TTLL5: variants seen among roughly 807,000 people sequenced by gnomAD.
TTLL5 encodes tubulin tyrosine ligase like 5, also known as tubulin polyglutamylase TTLL5.
A neutral mutation model predicts 168.4 loss-of-function variants in TTLL5; 132 were observed. The ratio of observed to expected loss-of-function variants is 0.78; its 90% CI spans 0.68 to 0.91. The LOEUF (loss-of-function observed/expected upper bound fraction) is 0.91, where lower values mean the gene tolerates loss of function less well. Ranked by LOEUF, TTLL5 falls within the 40% of genes least tolerant of loss-of-function variation. The pLI, the probability that TTLL5 is intolerant of heterozygous loss-of-function variation, is 0.00. For missense variants in TTLL5, 1,545 were observed against 1,581.5 expected (o/e 0.98, Z 0.39); for synonymous variants, 546 against 558.6 (o/e 0.98, Z 0.32).
chr14:75,678,812 A>T (rs1884381079), intron 3 of TTLL5, among the ~76,000 whole-genome samples: 1 of 152,072 alleles, frequency 6.6e-6, no homozygotes, highest in South Asian at 2.1e-4. Context: ...TTTGGTTAAG[A>T]CTGTGTTCAC....
chr14:75,796,201 C>T (rs1260365898), intron 27 of TTLL5, among the ~76,000 whole-genome samples: 2 of 152,152 alleles, frequency 1.3e-5, no homozygotes, highest in African/African-American at 4.8e-5. Flanking sequence ...AGCATTTTCT[C>T]ATATGTTTGT....
At chr14:75,826,370 TAC>T (rs1015760471) in intron 28 of TTLL5, among the ~76,000 whole-genome samples, 19 of 151,270 alleles carry the variant, frequency 1.3e-4, no homozygotes, top group Admixed American at 4.0e-4. Context: ...TGAATATACT[TAC>T]ACTCCTGAAC....
At chr14:75,757,765 G>A in intron 18 of TTLL5, 1 of 1,439,842 alleles carries the variant, frequency 6.9e-7, no homozygotes, top group Non-Finnish European at 9.3e-7. Context: ...GTGCATGTGT[G>A]TGTGAACTTA....
chr14:75,806,060 A>G (rs1314244632), intron 27 of TTLL5, among the ~76,000 whole-genome samples: 1 of 141,086 alleles, frequency 7.1e-6, no homozygotes, highest in Non-Finnish European at 1.5e-5. Context: ...ATGCAGTCTC[A>G]CTCTGTTGCT....
chr14:75,842,175 A>C (rs369031184), intron 28 of TTLL5, among the ~76,000 whole-genome samples: 4 of 152,184 alleles, frequency 2.6e-5, no homozygotes, highest in African/African-American at 9.7e-5. Context: ...ATGCTGTCAA[A>C]TTGGCATCCA....
At chr14:75,846,658 C>T (rs372080752) in intron 28 of TTLL5, among the ~76,000 whole-genome samples, 3 of 151,950 alleles carry the variant, frequency 2.0e-5, no homozygotes, top group South Asian at 2.1e-4. Context: ...GGCATGGTGG[C>T]GCGTGCCCGT....
At chr14:75,727,728 C>G (rs1446623272) in intron 12 of TTLL5, 1 of 388,522 alleles carries the variant, frequency 2.6e-6, no homozygotes, top group Non-Finnish European at 5.2e-6. Context: ...GGATGAACCT[C>G]AGAAACATGG....
At chr14:75,755,624 T>C (rs998622429) in intron 18 of TTLL5, among the ~76,000 whole-genome samples, 3 of 152,256 alleles carry the variant, frequency 2.0e-5, no homozygotes, top group Admixed American at 2.0e-4. Context: ...GTAGATACTT[T>C]GTTATGTTCA....
Position 75,779,685 on chromosome 14 carries a change from ATAG to A in TTLL5, c.2500_2502del (p.Ser834del). The A allele has an allele frequency of 1.2e-6, 2 of 1,612,574 alleles. No individual in the cohort carries two copies. Among genetic ancestry groups the A allele is most frequent in the Non-Finnish European group, 1.7e-6 (2 of 1,179,578 alleles). On this transcript the variant is annotated inframe_deletion, in exon 24 of 32. Transcript: ENST00000298832. ...TCTAAGAACAACAACAATTATTCTG[ATAG>A]TGGGGCAAAAGGTGGTAAGTATACT...
At chr14:75,815,754 A>G (rs1894355907) in intron 27 of TTLL5, among the ~76,000 whole-genome samples, 1 of 152,240 alleles carries the variant, frequency 6.6e-6, no homozygotes, top group Non-Finnish European at 1.5e-5. Context: ...TAGTTTCCAA[A>G]CTAGAAAAGA....
At chr14:75,884,556 A>G (rs1416256415) in intron 30 of TTLL5, among the ~76,000 whole-genome samples, 1 of 152,224 alleles carries the variant, frequency 6.6e-6, no homozygotes, top group Non-Finnish European at 1.5e-5. Context: ...CTCAGCATCA[A>G]AAATGCACAG....
intron 28 of TTLL5, among the ~76,000 whole-genome samples, chr14:75,834,510 G>A (rs1360021027): frequency 6.6e-6 from 1 of 151,708 alleles, no homozygotes; most frequent in Non-Finnish European, 1.5e-5. Context: ...TTCTTATTTG[G>A]CAAACACTTT....
chr14:75,705,207 T>A lies in TTLL5; in HGVS notation c.586-1811T>A, dbSNP rs144193220. ...CATTAGGGATGAATCAGTAATGATG[T>A]CATTGTGTTCCTATGATGCGTAGAG... On this transcript the variant is annotated intron_variant, in intron 7 of 31. Coordinates refer to ENST00000298832, the MANE Select transcript of TTLL5 (RefSeq NM_015072.5). Among the ~76,000 whole-genome samples the A allele has an allele frequency of 3.9e-4, 59 of 152,354 alleles. No homozygotes were observed. In the East Asian group the frequency reaches 0.011, roughly 28 times the overall value.
chr14:75,808,275 C>G (rs1463284099), intron 27 of TTLL5, among the ~76,000 whole-genome samples: 1 of 152,070 alleles, frequency 6.6e-6, no homozygotes, highest in South Asian at 2.1e-4. Flanking sequence ...GAAGATATGC[C>G]AAGAGAATTT....
intron 15 of TTLL5, among the ~76,000 whole-genome samples, chr14:75,741,350 G>A (rs1281335873): frequency 6.6e-6 from 1 of 152,108 alleles, no homozygotes; most frequent in Admixed American, 6.5e-5. Flanking sequence ...TAAGTTCAGA[G>A]GACCTTACTT....
rs556403510 is a variant in TTLL5, at chr14:75,730,471, T to G, written c.1043-1867T>G. Among the ~76,000 whole-genome samples the G allele has an allele frequency of 9.8e-5, 15 of 152,320 alleles. No homozygotes were observed. The South Asian group carries it at 2.7e-3, about 27-fold the overall frequency. On this transcript the variant is annotated intron_variant, in intron 12 of 31. Coordinates refer to ENST00000298832, the MANE Select transcript of TTLL5 (RefSeq NM_015072.5). ...CCATCTCAAACTCTTGTATAGTTTG[T>G]GATGATTTTTGCAAATTAAATGGAA...
chr14:75,710,683 C>G (rs945359965), intron 9 of TTLL5: 2 of 152,222 alleles, frequency 1.3e-5, no homozygotes, highest in African/African-American at 4.8e-5. Flanking sequence ...GTTCTTGTGT[C>G]TTCACTAATT....
intron 31 of TTLL5, among the ~76,000 whole-genome samples, chr14:75,923,539 T>C (rs2033900429): frequency 6.6e-6 from 1 of 152,212 alleles, no homozygotes; most frequent in Non-Finnish European, 1.5e-5. Flanking sequence ...TTTCTTCATC[T>C]TGAGTTCTAA....
Position 75,875,228 on chromosome 14 carries a change from C to T in TTLL5, c.3523-7457C>T, listed in dbSNP as rs1406473717. On this transcript the variant is annotated intron_variant, in intron 29 of 31. Coordinates refer to ENST00000298832, the MANE Select transcript of TTLL5 (RefSeq NM_015072.5). ...GATTACAGGCGTGAGCCACTGCGCG[C>T]GGCCTATATTTTTTAACTCAAAAAT... is the stretch of plus-strand genomic sequence containing the variant. Among the ~76,000 whole-genome samples the T allele has an allele frequency of 1.1e-4, 17 of 149,012 alleles. No homozygotes were observed. In the East Asian group the frequency reaches 1.4e-3, roughly 12 times the overall value.
Sources: gnomAD v4.1 joint callset for allele counts (sites outside exome capture counted in the v4.1 genomes callset) on GRCh38, gnomAD v4.1.1 for gene constraint, MANE v1.5 for transcripts, NCBI Gene and HGNC (gene_info 2026-07-23, HGNC 2026-07-21) for gene names.